The following SLC15A1 variants were observed in gnomAD, a reference collection of about 807,000 sequenced individuals.
SLC15A1 encodes the protein solute carrier family 15 member 1.
SLC15A1 carries 83 observed loss-of-function variants against 92.9 expected under a neutral mutation model. The ratio of observed to expected loss-of-function variants is 0.89; its 90% confidence interval spans 0.75 to 1.07. SLC15A1 has a LOEUF of 1.07. Ranked by LOEUF, SLC15A1 falls within the 50% of genes least tolerant of loss-of-function variation. SLC15A1 has a pLI of 0.00. For synonymous variants in SLC15A1, 322 were observed against 318.2 expected (o/e 1.01, Z -0.13); for missense variants, 857 against 880.1 (o/e 0.97, Z 0.33).
intron 6 of SLC15A1, 59 bp from the exon 7 acceptor site, chr13:98,721,644 G>T: frequency 7.7e-7 from 1 of 1,306,510 alleles, no homozygotes; most frequent in Non-Finnish European, 1.1e-6. Context: ...AGCACAGGGA[G>T]CTGATGATCT....
At position 98,730,639 on chromosome 13, in the gene SLC15A1, G is replaced by A. The variant is rs552807398; in HGVS notation, c.5-3780C>T. On this transcript the variant is annotated intron_variant, in intron 1 of 22. Coordinates refer to ENST00000376503, the MANE Select transcript of SLC15A1 (RefSeq NM_005073.4). The stretch of plus-strand genomic sequence containing the variant: ...TGCGGGGTTGCTGGAAGAGTCCTGC[G>A]AACCCCACAGCCCTCAGTGCATCGT... 1.1e-4 allele frequency among the ~76,000 whole-genome samples: 17 copies of A among 152,364 alleles called. No homozygotes were observed. In the South Asian group the frequency reaches 1.2e-3, roughly 11 times the overall value.
intron 11 of SLC15A1, among the ~76,000 whole-genome samples, chr13:98,710,532 T>C (rs1457749651): frequency 6.6e-6 from 1 of 152,054 alleles, no homozygotes; most frequent in African/African-American, 2.4e-5. Flanking sequence ...AGTCAGGAAA[T>C]TGGCCAGGTG....
rs560656526 is a variant in SLC15A1, at chr13:98,721,284, G to T, written c.556+211C>A. 4.4e-6 allele frequency: 3 copies of T among 682,294 alleles called. No individual in the cohort carries two copies. The Admixed American group carries it at 6.1e-5, about 14-fold the overall frequency. 42.3% of individuals were successfully genotyped at this position (682,294 alleles called of 1,614,324 possible). ...TGCTAAGGATGGCTTAGACTCTCCA[G>T]TGGTCACTGGGATAAGGGATTTAAA... On this transcript the variant is annotated intron_variant, in intron 7 of 22. Transcript: ENST00000376503.
intron 9 of SLC15A1, among the ~76,000 whole-genome samples, chr13:98,714,520 T>C (rs557888943): frequency 2.0e-4 from 31 of 151,682 alleles, no homozygotes; most frequent in African/African-American, 7.0e-4. Context: ...CCAGGTGTGG[T>C]GGTGTGTGCT....
chr13:98,698,060 A>T (rs1002887220), intron 18 of SLC15A1, among the ~76,000 whole-genome samples: 1 of 152,178 alleles, frequency 6.6e-6, no homozygotes, highest in African/African-American at 2.4e-5. Flanking sequence ...TACGGGGAAA[A>T]AAAATAGAAG....
In SLC15A1 at chr13:98,718,300, C is replaced by CTTTTTTT. The variant is rs532286337; in HGVS notation, c.640+930_640+936dup. On this transcript the variant is annotated intron_variant, in intron 8 of 22. Transcript: ENST00000376503. ...ATCCAGCAGATTCTATCACCTTCAT[C>CTTTTTTT]TTTTTTTTTTTTTTTTTTTTTTTTT... Among the ~76,000 whole-genome samples the CTTTTTTT allele has an allele frequency of 3.7e-4, 31 of 84,130 alleles. 4 individuals carry two copies. Among genetic ancestry groups the CTTTTTTT allele is most frequent in the African/African-American group, 1.7e-3 (25 of 14,648 alleles). The allele number at this position is 84,130 out of a possible 152,430, so 55.2% of individuals were successfully genotyped here.
At chr13:98,738,600 T>G (rs1465028496) in intron 1 of SLC15A1, among the ~76,000 whole-genome samples, 3 of 152,270 alleles carry the variant, frequency 2.0e-5, no homozygotes, top group Non-Finnish European at 4.4e-5. Context: ...ACTTGGTGGT[T>G]TCCACATGGT....
At chr13:98,691,538 C>A (rs1429050486) in intron 18 of SLC15A1, among the ~76,000 whole-genome samples, 1 of 152,204 alleles carries the variant, frequency 6.6e-6, no homozygotes, top group East Asian at 1.9e-4. Context: ...GCTTCCAAAT[C>A]AACCACCTGA....
In SLC15A1 at chr13:98,716,803, T is replaced by C. The variant is rs187199955; in HGVS notation, c.641-843A>G. On this transcript the variant is annotated intron_variant, in intron 8 of 22. Transcript: ENST00000376503. ...AAATTAATTGCATCTGCAGCTACAG[T>C]TTTACAAAAGTTAGAAGCACCTTTT... is the stretch of plus-strand genomic sequence containing the variant. Among the ~76,000 whole-genome samples the C allele has an allele frequency of 1.2e-3, 177 of 152,254 alleles. 1 individual carries two copies. In the South Asian group the frequency reaches 0.014, roughly 12 times the overall value.
intron 14 of SLC15A1, 35 bp downstream of exon 14, chr13:98,709,537 G>A (rs2088143725): frequency 1.3e-6 from 2 of 1,587,874 alleles, no homozygotes; most frequent in African/African-American, 1.3e-5. Context: ...TGGGACCAAG[G>A]GAGCCTCAAC....
intron 1 of SLC15A1, among the ~76,000 whole-genome samples, chr13:98,746,725 C>T (rs2088496124): frequency 6.6e-6 from 1 of 152,124 alleles, no homozygotes; most frequent in Non-Finnish European, 1.5e-5. Context: ...ATCTCTGAAC[C>T]AAAATTCCCT....
intron 15 of SLC15A1, among the ~76,000 whole-genome samples, chr13:98,707,969 G>T (rs1229893252): frequency 2.1e-5 from 3 of 142,350 alleles, no homozygotes; most frequent in Non-Finnish European, 4.5e-5. Flanking sequence ...ACTGCAATTA[G>T]TTTTTTTTAA....
intron 1 of SLC15A1, among the ~76,000 whole-genome samples, chr13:98,751,782 C>G (rs1166662888): frequency 6.6e-6 from 1 of 152,246 alleles, no homozygotes; most frequent in Admixed American, 6.5e-5. Context: ...ACATTCCTGT[C>G]TACAGGCTCA....
At chr13:98,746,859 C>T (rs1186096140) in intron 1 of SLC15A1, among the ~76,000 whole-genome samples, 6 of 152,186 alleles carry the variant, frequency 3.9e-5, no homozygotes, top group African/African-American at 1.4e-4. Context: ...AGTCTAGGAA[C>T]CAGGAGAGGA....
At chr13:98,728,571 A>C (rs1045095920) in intron 1 of SLC15A1, among the ~76,000 whole-genome samples, 22 of 152,308 alleles carry the variant, frequency 1.4e-4, no homozygotes, top group African/African-American at 4.6e-4. Context: ...GGGTAGGTGA[A>C]GGTGGGAGGA....
At chr13:98,745,658 T>TGGAC in intron 1 of SLC15A1, among the ~76,000 whole-genome samples, 1 of 151,974 alleles carries the variant, frequency 6.6e-6, no homozygotes, top group East Asian at 1.9e-4. Context: ...AAGGCCTGGA[T>TGGAC]CGGCTTCACC....
chr13:98,724,666 G>C (rs1255380473), intron 4 of SLC15A1, among the ~76,000 whole-genome samples: 1 of 151,990 alleles, frequency 6.6e-6, no homozygotes, highest in Non-Finnish European at 1.5e-5. Flanking sequence ...TAGAGACGGG[G>C]GTTTCACCAC....
intron 1 of SLC15A1, among the ~76,000 whole-genome samples, chr13:98,737,658 C>T (rs1317178063): frequency 2.6e-5 from 4 of 152,232 alleles, no homozygotes; most frequent in East Asian, 1.9e-4. Flanking sequence ...CCTGCAGAAC[C>T]GTGAGCCAAT....
At chr13:98,710,356 AAG>A (rs1242494197) in intron 11 of SLC15A1, among the ~76,000 whole-genome samples, 3 of 152,210 alleles carry the variant, frequency 2.0e-5, no homozygotes, top group Non-Finnish European at 4.4e-5. Flanking sequence ...GATCTCCATC[AAG>A]AGAGTGGTGG....
Sources: gnomAD v4.1 joint callset for allele counts (sites outside exome capture counted in the v4.1 genomes callset) on GRCh38, gnomAD v4.1.1 for gene constraint, MANE v1.5 for transcripts, NCBI Gene and HGNC (gene_info 2026-07-23, HGNC 2026-07-21) for gene names.